The following FREM2 variants were observed in gnomAD, a reference collection of about 807,000 sequenced individuals.
The protein encoded by FREM2 is FRAS1-related extracellular matrix protein 2.
Under a neutral mutation model 219.9 loss-of-function variants are expected in FREM2, and 119 were observed. The observed-to-expected ratio is 0.54, with a 90% CI of 0.47 to 0.63. The LOEUF (loss-of-function observed/expected upper bound fraction) is 0.63, where lower values mean the gene tolerates loss of function less well. FREM2 is among the 30% of genes least tolerant of loss of function. The probability of loss-of-function intolerance (pLI) is 0.00; values close to 1 mark genes in which losing one functional copy is unlikely to be tolerated. For missense variants in FREM2, 4,030 were observed against 3,993.6 expected, an observed-to-expected ratio of 1.01 and a Z score of -0.25; for synonymous variants, 1,562 against 1,522.8, an observed-to-expected ratio of 1.03 and a Z score of -0.60.
Position 38,876,395 on chromosome 13 carries a change from G to C in FREM2, c.8544+13G>C. 1 of 1,608,890 alleles carries C rather than the reference G, an allele frequency of 6.2e-7. No homozygotes were observed. Among genetic ancestry groups the C allele is most frequent in the Non-Finnish European group, 8.5e-7 (1 of 1,177,024 alleles). On this transcript the variant is annotated intron_variant, in intron 20 of 23. Coordinates refer to ENST00000280481, the MANE Select transcript of FREM2 (RefSeq NM_207361.6). ...CCGATTCCAACAGGTGTGGCTTATA[G>C]AATTACTATCTTATGACTTGCAGAA...
intron 2 of FREM2, among the ~76,000 whole-genome samples, chr13:38,751,414 C>G (rs964915620): frequency 6.6e-6 from 1 of 152,088 alleles, no homozygotes; most frequent in African/African-American, 2.4e-5. Context: ...TCCTCCTCCC[C>G]TTTTCCTTTC....
chr13:38,774,251 A>G (rs989658809), intron 4 of FREM2, among the ~76,000 whole-genome samples: 9 of 152,096 alleles, frequency 5.9e-5, no homozygotes, highest in Non-Finnish European at 1.2e-4. Flanking sequence ...TATATAGGTG[A>G]ATAAAACTAA....
chr13:38,813,117 A>G (rs1036136576), intron 6 of FREM2, among the ~76,000 whole-genome samples: 1 of 152,006 alleles, frequency 6.6e-6, no homozygotes, highest in Non-Finnish European at 1.5e-5. Context: ...GTGTTATACT[A>G]TTCTGTGTTT....
chr13:38,806,027 C>T (rs761523973), intron 6 of FREM2, among the ~76,000 whole-genome samples: 46 of 149,210 alleles, frequency 3.1e-4, no homozygotes, highest in Non-Finnish European at 3.7e-4. Flanking sequence ...TAATAGTTTC[C>T]GGAGAAAGGT....
At chr13:38,819,220 G>T (rs994591748) in intron 6 of FREM2, among the ~76,000 whole-genome samples, 4 of 152,030 alleles carry the variant, frequency 2.6e-5, no homozygotes, top group African/African-American at 9.7e-5. Flanking sequence ...TGGTCTTTTT[G>T]AAACTGTTGA....
At chr13:38,837,743 G>A (rs1876767186) in intron 6 of FREM2, among the ~76,000 whole-genome samples, 1 of 151,672 alleles carries the variant, frequency 6.6e-6, no homozygotes. Context: ...TCTGTTTTAA[G>A]AGACTAGGAT....
rs1055013002 is a variant in FREM2, at chr13:38,699,037, A to T, written c.5263+1250A>T. On this transcript the variant is annotated intron_variant, in intron 2 of 23. Coordinates refer to ENST00000280481, the MANE Select transcript of FREM2 (RefSeq NM_207361.6). ...AAAAAGGAAATCAACTCATAAAAAA[A>T]ACCTTCTTGAATTTTGCTGCTCAAA... Among the ~76,000 whole-genome samples, 6 of 152,342 alleles carry T rather than the reference A, an allele frequency of 3.9e-5. No individual in the cohort carries two copies. In the East Asian group the frequency reaches 1.2e-3, roughly 29 times the overall value.
At chr13:38,874,379 T>C (rs1047632457) in intron 17 of FREM2, 103 bp from the exon 18 acceptor site, 2 of 864,468 alleles carry the variant, frequency 2.3e-6, no homozygotes, top group Non-Finnish European at 3.9e-6. Flanking sequence ...TTGCCCAGAA[T>C]GTTTAAAGAC....
At chr13:38,717,767 T>C (rs1871068607) in intron 2 of FREM2, among the ~76,000 whole-genome samples, 1 of 152,170 alleles carries the variant, frequency 6.6e-6, no homozygotes, top group Non-Finnish European at 1.5e-5. Flanking sequence ...ATTTGGCTAG[T>C]TATTAATTCT....
chr13:38,808,041 G>A (rs2137859573), intron 6 of FREM2, among the ~76,000 whole-genome samples: 1 of 152,046 alleles, frequency 6.6e-6, no homozygotes, highest in African/African-American at 2.4e-5. Context: ...TCATTTTAGT[G>A]AGATCTTCTG....
intron 13 of FREM2, among the ~76,000 whole-genome samples, chr13:38,858,959 T>G: frequency 2.5e-5 from 3 of 120,440 alleles, no homozygotes. Context: ...ACTTACTGGA[T>G]AAGGGGGGTA....
rs1566175978 is a variant in FREM2, at chr13:38,877,174, A to G, written c.8602A>G (p.Lys2868Glu). Residue 2868 changes from lysine to glutamate, a missense_variant, in exon 21 of 24, where the codon AAG (lysine) becomes GAG (glutamate). Transcript: ENST00000280481. ...GAACACCCAAATGTACCTGCTCTCT[A>G]AGAAGAGTCTCTGGTTGTCTGATGG... ...SLNTQMYLLS[K>E]KSLWLSDGSM... is the part of the protein sequence containing the mutation. 1.2e-6 allele frequency: 2 copies of G among 1,614,048 alleles called. No homozygotes were observed. The highest frequency in any genetic ancestry group is 1.7e-5 in the Admixed American group (1 of 60,016).
chr13:38,768,849 A>T (rs1180814888), intron 3 of FREM2, among the ~76,000 whole-genome samples: 1 of 152,202 alleles, frequency 6.6e-6, no homozygotes, highest in Non-Finnish European at 1.5e-5. Context: ...TTAGAGACCC[A>T]GAGATCCTTC....
At chr13:38,728,275 T>A (rs1172158161) in intron 2 of FREM2, among the ~76,000 whole-genome samples, 1 of 152,142 alleles carries the variant, frequency 6.6e-6, no homozygotes, top group Non-Finnish European at 1.5e-5. Flanking sequence ...AGTGTTACTA[T>A]TTTTTACTGA....
intron 2 of FREM2, among the ~76,000 whole-genome samples, chr13:38,761,145 C>G (rs1259381095): frequency 2.6e-5 from 4 of 152,168 alleles, no homozygotes; most frequent in Non-Finnish European, 5.9e-5. Context: ...GCAGAAGATA[C>G]AGCACATACA....
Position 38,850,246 on chromosome 13 carries a change from A to G in FREM2, c.6577+11A>G. 1 of 1,613,194 alleles carries G rather than the reference A, an allele frequency of 6.2e-7. No individual in the cohort carries two copies. Among genetic ancestry groups the G allele is most frequent in the Non-Finnish European group, 8.5e-7 (1 of 1,179,318 alleles). On this transcript the variant is annotated intron_variant, in intron 9 of 23. Transcript: ENST00000280481. Reference sequence around the variant, plus strand: ...TCACATTCCTCCCTGGTAAGCTTGAACTTGAAATTTTTTCGTGAAATTTGA... The same window carrying G: ...TCACATTCCTCCCTGGTAAGCTTGAGCTTGAAATTTTTTCGTGAAATTTGA...
chr13:38,859,397 C>T lies in FREM2; in HGVS notation c.7326C>T (p.Gly2442=), dbSNP rs1389546116. 5 of 1,614,072 alleles carry T rather than the reference C, an allele frequency of 3.1e-6. No homozygotes were observed. Among genetic ancestry groups the T allele is most frequent in the Non-Finnish European group, 3.4e-6 (4 of 1,180,040 alleles). ...GGTGGCTGATTAGTGCACCTGCGGG[C>T]CCTGACGGTGTGACCAGCCCTATGA... ...RYRWLISAPA[G]PDGVTSPMRE... The change falls in exon 14 of 24, where the codon GGC becomes GGT. Residue 2442 remains glycine (G), a synonymous_variant. Transcript: ENST00000280481.
At chr13:38,805,340 A>G (rs1875182929) in intron 6 of FREM2, among the ~76,000 whole-genome samples, 1 of 151,386 alleles carries the variant, frequency 6.6e-6, no homozygotes, top group African/African-American at 2.4e-5. Flanking sequence ...AGAGGGATTG[A>G]AAAAAAATCT....
chr13:38,784,910 C>T (rs964169662), intron 6 of FREM2, 102 bp downstream of exon 6: 13 of 1,261,104 alleles, frequency 1.0e-5, no homozygotes, highest in Non-Finnish European at 1.3e-5. Flanking sequence ...TGATAATATA[C>T]ACATTTATTT....
Sources: allele counts gnomAD v4.1 joint callset (sites outside exome capture counted in the v4.1 genomes callset), GRCh38; gene constraint gnomAD v4.1.1; transcripts MANE v1.5; gene names NCBI Gene and HGNC (gene_info 2026-07-23, HGNC 2026-07-21).